Variants in RIMS2 observed in about 807,000 individuals in gnomAD.
The protein encoded by RIMS2 is regulating synaptic membrane exocytosis protein 2.
Under a neutral mutation model 174.4 loss-of-function variants are expected in RIMS2, and 59 were observed. The ratio of observed to expected loss-of-function variants is 0.34; its 90% CI spans 0.27 to 0.42. The LOEUF is 0.42. RIMS2 is among the 10% of genes least tolerant of loss of function. RIMS2 has a pLI of 1.00. For synonymous variants in RIMS2, 606 were observed against 572.5 expected, an observed-to-expected ratio of 1.06 and a Z score of -0.84; for missense variants, 1,620 against 1,666.3, an observed-to-expected ratio of 0.97 and a Z score of 0.48.
chr8:103,696,973 T>G (rs2097111174), intron 1 of RIMS2, 113 bp from the exon 4 acceptor site: 1 of 657,366 alleles, frequency 1.5e-6, no homozygotes, highest in South Asian at 1.9e-5. Context: ...TTCATTCTTT[T>G]TATTCTCATC....
chr8:104,056,131 G>C (rs993880125), intron 19 of RIMS2, among the ~76,000 whole-genome samples: 2 of 152,124 alleles, frequency 1.3e-5, no homozygotes, highest in African/African-American at 4.8e-5. Flanking sequence ...CCGGCCAGGC[G>C]TGGTGGCTCA....
At chr8:103,513,994 G>GT (rs1044955033) in intron 1 of RIMS2, among the ~76,000 whole-genome samples, 2 of 151,856 alleles carry the variant, frequency 1.3e-5, no homozygotes, top group African/African-American at 4.8e-5. Flanking sequence ...TTTGTTTAAC[G>GT]TATCAGTGTT....
intron 19 of RIMS2, among the ~76,000 whole-genome samples, chr8:104,207,830 A>G (rs1309708888): frequency 6.7e-6 from 1 of 149,246 alleles, no homozygotes; most frequent in African/African-American, 2.4e-5. Flanking sequence ...ATATATATAT[A>G]TGTATATAAT....
At chr8:103,618,914 A>C (rs978051016) in intron 1 of RIMS2, among the ~76,000 whole-genome samples, 1 of 152,160 alleles carries the variant, frequency 6.6e-6, no homozygotes, top group Non-Finnish European at 1.5e-5. Flanking sequence ...ATTGACACCC[A>C]TCTTGACTAC....
At chr8:103,684,806 C>CA (rs1239030415) in intron 1 of RIMS2, among the ~76,000 whole-genome samples, 2 of 151,868 alleles carry the variant, frequency 1.3e-5, no homozygotes, top group African/African-American at 4.8e-5. Flanking sequence ...AGGTTGGTCT[C>CA]AAACTCCTGA....
intron 19 of RIMS2, among the ~76,000 whole-genome samples, chr8:104,029,258 T>C (rs1377581302): frequency 1.3e-5 from 2 of 152,130 alleles, no homozygotes; most frequent in Admixed American, 6.6e-5. Context: ...ATTAGCAAGG[T>C]CTTCATGATC....
intron 2 of RIMS2, among the ~76,000 whole-genome samples, chr8:103,702,497 A>G (rs1252174279): frequency 1.3e-5 from 2 of 148,368 alleles, no homozygotes; most frequent in Non-Finnish European, 3.0e-5. Flanking sequence ...TATTCAATAA[A>G]TATTTGCCTA....
At chr8:103,520,171 C>T (rs1830948322) in intron 1 of RIMS2, among the ~76,000 whole-genome samples, 1 of 152,112 alleles carries the variant, frequency 6.6e-6, no homozygotes, top group Admixed American at 6.6e-5. Context: ...ATGACTATTT[C>T]ATAGGGTTGT....
intron 12 of RIMS2, among the ~76,000 whole-genome samples, chr8:103,933,778 AT>A (rs1162503068): frequency 1.3e-5 from 2 of 152,188 alleles, no homozygotes; most frequent in African/African-American, 4.8e-5. Context: ...CATCTTAACA[AT>A]TTTTTATTTG....
chr8:103,661,809 T>A (rs1263514642), intron 1 of RIMS2, among the ~76,000 whole-genome samples: 1 of 152,192 alleles, frequency 6.6e-6, no homozygotes, highest in Non-Finnish European at 1.5e-5. Context: ...CTAGCCTAGA[T>A]GCTGTTTTTT....
chr8:103,700,734 G>A (rs1366618666), intron 2 of RIMS2, among the ~76,000 whole-genome samples: 1 of 151,838 alleles, frequency 6.6e-6, no homozygotes, highest in East Asian at 1.9e-4. Flanking sequence ...TGAGATTACT[G>A]AAGTATTTTT....
chr8:104,200,398 A>G (rs2099048771), intron 19 of RIMS2, among the ~76,000 whole-genome samples: 2 of 152,158 alleles, frequency 1.3e-5, no homozygotes, highest in Non-Finnish European at 1.5e-5. Context: ...TATATATTCT[A>G]GGAAAATAAA....
intron 1 of RIMS2, among the ~76,000 whole-genome samples, chr8:103,588,717 T>C (rs1328898011): frequency 2.0e-5 from 3 of 151,928 alleles, no homozygotes; most frequent in East Asian, 1.9e-4. Flanking sequence ...TGCAGAAGAA[T>C]AAAACTAGAC....
chr8:104,174,770 A>T (rs1465619154), intron 19 of RIMS2, among the ~76,000 whole-genome samples: 1 of 152,224 alleles, frequency 6.6e-6, no homozygotes, highest in Non-Finnish European at 1.5e-5. Context: ...CCTGTTCAAA[A>T]TTGTGAAGCT....
At chr8:103,922,485 T>G (rs544662716) in intron 10 of RIMS2, among the ~76,000 whole-genome samples, 3 of 152,066 alleles carry the variant, frequency 2.0e-5, no homozygotes, top group Non-Finnish European at 4.4e-5. Flanking sequence ...TTAAACCATT[T>G]TAAAATAGTG....
At chr8:103,989,379 G>A in exon 17 of RIMS2, 1 of 1,612,416 alleles carries the variant, frequency 6.2e-7, no homozygotes, top group Non-Finnish European at 8.5e-7. Flanking sequence ...CGAATGGACA[G>A]ACATCGTGTC....
At chr8:104,082,700 T>C (rs1194292130) in intron 19 of RIMS2, among the ~76,000 whole-genome samples, 1 of 152,004 alleles carries the variant, frequency 6.6e-6, no homozygotes, top group Non-Finnish European at 1.5e-5. Context: ...TTTATATTTT[T>C]ATATTATTTT....
chr8:103,631,647 A>T (rs2095924549), intron 1 of RIMS2, among the ~76,000 whole-genome samples: 2 of 152,156 alleles, frequency 1.3e-5, no homozygotes, highest in African/African-American at 2.4e-5. Context: ...TTTAAAATAG[A>T]TTGTTCTAGT....
At chr8:104,123,247 T>C (rs1045722807) in intron 19 of RIMS2, among the ~76,000 whole-genome samples, 1 of 152,028 alleles carries the variant, frequency 6.6e-6, no homozygotes, top group African/African-American at 2.4e-5. Flanking sequence ...TTATTTAATG[T>C]ATATGTAGAG....
Sources: gnomAD v4.1 joint callset for allele counts (sites outside exome capture counted in the v4.1 genomes callset) on GRCh38, gnomAD v4.1.1 for gene constraint, MANE v1.5 for transcripts, NCBI Gene and HGNC (gene_info 2026-07-23, HGNC 2026-07-21) for gene names.